Variants in TARBP1 observed in about 807,000 individuals in gnomAD.
TARBP1 encodes tRNA (guanosine(18)-2'-O)-methyltransferase TARBP1.
A neutral mutation model predicts 178.6 loss-of-function variants in TARBP1; 144 were observed. The ratio of observed to expected loss-of-function variants is 0.81; its 90% CI spans 0.70 to 0.93. TARBP1 has a LOEUF of 0.93. TARBP1 is among the 40% of genes least tolerant of loss of function. TARBP1 has a pLI of 0.00. For synonymous variants in TARBP1, 787 were observed against 781.0 expected (o/e 1.01, Z -0.13); for missense variants, 2,067 against 2,011.7 (o/e 1.03, Z -0.53).
intron 24 of TARBP1, among the ~76,000 whole-genome samples, chr1:234,401,592 C>G (rs1241520695): frequency 6.6e-6 from 1 of 152,170 alleles, no homozygotes; most frequent in Non-Finnish European, 1.5e-5. Flanking sequence ...TTTCACAAAC[C>G]AAACAAATTT....
At chr1:234,413,894 C>T (rs776196746) in intron 22 of TARBP1, among the ~76,000 whole-genome samples, 3 of 152,070 alleles carry the variant, frequency 2.0e-5, no homozygotes, top group African/African-American at 4.8e-5. Flanking sequence ...GACCTGGTCA[C>T]GAATCAGACA....
At chr1:234,444,932 C>T (rs1201695499) in intron 12 of TARBP1, among the ~76,000 whole-genome samples, 4 of 152,086 alleles carry the variant, frequency 2.6e-5, no homozygotes, top group African/African-American at 2.4e-5. Flanking sequence ...TGGTTATATT[C>T]ACCTCTTAAG....
chr1:234,398,174 T>C (rs1476108288), intron 26 of TARBP1: 1 of 359,222 alleles, frequency 2.8e-6, no homozygotes, highest in Non-Finnish European at 4.9e-6. Flanking sequence ...TTTTTTTTTT[T>C]TTAAATAGCT....
rs143020661 is a variant in TARBP1, at chr1:234,430,146, C to A, written c.2550G>T (p.Thr850=). 15 of 1,614,016 alleles carry A rather than the reference C, an allele frequency of 9.3e-6. No homozygotes were observed. Among genetic ancestry groups the A allele is most frequent in the South Asian group, 2.2e-5 (2 of 91,084 alleles). Residue 850 remains threonine (T), a synonymous_variant, in exon 15 of 30, where the codon ACG becomes ACT. Transcript: ENST00000040877. ...GCTCCTCTGCGTGGGGCTTCTGCAG[C>A]GTCTGATTGAGCTGAAGAGAGGAAA... ...SFLSSLQLNQ[T]LQKPHAEEQS...
chr1:234,434,932 G>A (rs936762712), intron 13 of TARBP1, among the ~76,000 whole-genome samples: 1 of 152,166 alleles, frequency 6.6e-6, no homozygotes, highest in Non-Finnish European at 1.5e-5. Context: ...TGTTTCAAGG[G>A]GGAGGTGGTC....
chr1:234,413,920 G>A (rs1305928235), intron 22 of TARBP1, among the ~76,000 whole-genome samples: 1 of 152,220 alleles, frequency 6.6e-6, no homozygotes, highest in Non-Finnish European at 1.5e-5. Flanking sequence ...CATGGAAAGT[G>A]TCAAGGTTTC....
chr1:234,438,299 A>G (rs1485489593), intron 12 of TARBP1, among the ~76,000 whole-genome samples: 1 of 152,166 alleles, frequency 6.6e-6, no homozygotes, highest in Non-Finnish European at 1.5e-5. Context: ...ATGGAAAAAA[A>G]AATCTAGAGA....
At chr1:234,451,991 A>G (rs1019485799) in intron 9 of TARBP1, among the ~76,000 whole-genome samples, 1 of 152,288 alleles carries the variant, frequency 6.6e-6, no homozygotes, top group South Asian at 2.1e-4. Context: ...TGCGTTGCCT[A>G]ATTATTGCTA....
At position 234,478,434 on chromosome 1, in the gene TARBP1, C is replaced by T. The variant is rs1669788940; in HGVS notation, c.670G>A (p.Gly224Ser). Residue 224 changes from glycine (G) to serine (S), a missense_variant, in exon 1 of 30, where the codon GGC becomes AGC. Transcript: ENST00000040877. ...ACCAGCAGCTTCTCCTCTACGCGGCCGGACCCCAGGGACGCCCCAGGCGCG... is the reference window on the plus strand; with the variant it reads ...ACCAGCAGCTTCTCCTCTACGCGGCTGGACCCCAGGGACGCCCCAGGCGCG... ...LAAPGASLGS[G>S]RVEEKLLVLS... 2.9e-6 allele frequency: 4 copies of T among 1,387,414 alleles called. No homozygotes were observed. The highest frequency in any genetic ancestry group is 3.7e-6 in the Non-Finnish European group (4 of 1,066,826). The allele number at this position is 1,387,414 out of a possible 1,614,324, so 85.9% of individuals were successfully genotyped here. A position where few individuals can be genotyped will look rare whatever the true frequency, so the allele number is the denominator to read the frequency against.
chr1:234,478,091 A>G, intron 1 of TARBP1, 82 bp downstream of exon 1: 3 of 1,382,070 alleles, frequency 2.2e-6, no homozygotes, highest in Admixed American at 2.0e-5. Flanking sequence ...GACCCCGATA[A>G]GCTAGTTTTT....
Position 234,391,548 on chromosome 1 carries a change from A to T in TARBP1, c.*29T>A, listed in dbSNP as rs763065667. On this transcript the variant is annotated 3_prime_UTR_variant, in exon 30 of 30. Transcript: ENST00000040877. ...TAGTTTTTTTTAAAAAAGTCTGAAC[A>T]GCAGCAGCAGTTCACTAAGGAAGGC... 1 of 1,558,758 alleles carries T rather than the reference A, an allele frequency of 6.4e-7. No individual in the cohort carries two copies.
chr1:234,410,301 A>G (rs1172770218), intron 23 of TARBP1, 144 bp downstream of exon 23: 2 of 540,760 alleles, frequency 3.7e-6, no homozygotes, highest in African/African-American at 3.9e-5. Flanking sequence ...TTTGTGTCTA[A>G]TACATGTGCA....
chr1:234,439,126 GT>G (rs1313216058), intron 12 of TARBP1, among the ~76,000 whole-genome samples: 2 of 152,134 alleles, frequency 1.3e-5, no homozygotes, highest in Admixed American at 1.3e-4. Flanking sequence ...GCTAAAAGAA[GT>G]TTTTTTGAAC....
chr1:234,393,942 T>C (rs932044681), intron 26 of TARBP1, 105 bp from the exon 27 acceptor site: 16 of 924,844 alleles, frequency 1.7e-5, no homozygotes, highest in African/African-American at 3.4e-5. Flanking sequence ...TAATTTAGAA[T>C]GAGATAATTT....
intron 12 of TARBP1, among the ~76,000 whole-genome samples, chr1:234,440,948 C>T (rs1337840797): frequency 6.6e-6 from 1 of 152,250 alleles, no homozygotes; most frequent in African/African-American, 2.4e-5. Context: ...CTCTGGGAGG[C>T]TTAGGTGGGC....
rs1246870855 is a variant in TARBP1 at position 234,471,232 on chromosome 1, G to C, written c.1055C>G (p.Pro352Arg). Residue 352 changes from proline (P) to arginine (R), a missense_variant, in exon 3 of 30, where the codon CCA becomes CGA. Pro to Arg is a moderately radical substitution (Grantham distance 103). Coordinates refer to ENST00000040877, the MANE Select transcript of TARBP1 (RefSeq NM_005646.4). ...NQIHVIKPVL[P>R]KLNNLFEYAV... ...ATATTCAAACAGATTGTTTAGCTTTGGTAAAACTGGCTTTATAACATGTAT... is the reference window on the plus strand; with the variant it reads ...ATATTCAAACAGATTGTTTAGCTTTCGTAAAACTGGCTTTATAACATGTAT... 6.3e-7 allele frequency: 1 copy of C among 1,593,824 alleles called. No homozygotes were observed. Among genetic ancestry groups the C allele is most frequent in the Non-Finnish European group, 8.5e-7 (1 of 1,172,930 alleles).
chr1:234,465,704 A>G lies in TARBP1; in HGVS notation c.1253T>C (p.Ile418Thr). Residue 418 changes from isoleucine to threonine, a missense_variant, in exon 5 of 30, where the codon ATT (isoleucine) becomes ACT (threonine). Ile to Thr is a moderately conservative substitution (Grantham distance 89, BLOSUM62 -1). Coordinates refer to ENST00000040877, the MANE Select transcript of TARBP1 (RefSeq NM_005646.4). ...AAGCGCATCCATTAATGGTCCAATA[A>G]TAAACTAAAAAAAAAAAAAAAAAAA... ...LPFSPEFSEF[I>T]IGPLMDALSE... 4 of 1,537,274 alleles carry G rather than the reference A, an allele frequency of 2.6e-6. No individual in the cohort carries two copies. Among genetic ancestry groups the G allele is most frequent in the Non-Finnish European group, 3.5e-6 (4 of 1,149,086 alleles).
chr1:234,451,465 G>GACTGGATCAACGAAGTGGTCA (rs373777443), intron 9 of TARBP1, among the ~76,000 whole-genome samples: 3 of 112,364 alleles, frequency 2.7e-5, no homozygotes, highest in East Asian at 2.6e-4. Context: ...ACTGATGAAT[G>GACTGGATCAACGAAGTGGTCA]GGCCGGGCGC....
chr1:234,412,898 T>C (rs971363673), intron 22 of TARBP1, among the ~76,000 whole-genome samples: 1 of 152,078 alleles, frequency 6.6e-6, no homozygotes, highest in African/African-American at 2.4e-5. Flanking sequence ...CCAGCAGGGA[T>C]GGTCATGTGA....
Sources: gnomAD v4.1 joint callset for allele counts (sites outside exome capture counted in the v4.1 genomes callset) on GRCh38, gnomAD v4.1.1 for gene constraint, MANE v1.5 for transcripts, NCBI Gene and HGNC (gene_info 2026-07-23, HGNC 2026-07-21) for gene names.